NTM: variants seen among roughly 807,000 people sequenced by gnomAD.
The protein encoded by NTM is neurotrimin, also known as IgLON family member 2.
A neutral mutation model predicts 42.1 loss-of-function variants in NTM; 13 were observed. The ratio of observed to expected loss-of-function variants is 0.31; its 90% CI spans 0.20 to 0.49. The LOEUF is 0.49. Ranked by LOEUF, NTM falls within the 20% of genes least tolerant of loss-of-function variation. The pLI is 0.99. For missense variants in NTM, 373 were observed against 452.8 expected (o/e 0.82, Z 1.60); for synonymous variants, 187 against 179.2 (o/e 1.04, Z -0.35).
At chr11:131,769,661 C>T (rs941700472) in intron 1 of NTM, 6 of 767,702 alleles carry the variant, frequency 7.8e-6, no homozygotes, top group South Asian at 5.9e-5. Flanking sequence ...CTTTTACAGA[C>T]GAGGCAACCG....
chr11:132,237,802 C>T (rs1177612669), intron 4 of NTM, among the ~76,000 whole-genome samples: 2 of 152,204 alleles, frequency 1.3e-5, no homozygotes, highest in Non-Finnish European at 2.9e-5. Flanking sequence ...GTTTCATCCT[C>T]CCCGCTCAGC....
chr11:131,941,904 T>G (rs1000269524), intron 2 of NTM, among the ~76,000 whole-genome samples: 5 of 152,176 alleles, frequency 3.3e-5, no homozygotes, highest in African/African-American at 4.8e-5. Flanking sequence ...TGCATAATCA[T>G]CCATATTAAA....
chr11:131,442,994 C>T lies in NTM; in HGVS notation c.82+72106C>T, dbSNP rs1355644755. Reference sequence around the variant, plus strand: ...ATAATTTCTTTTCCTTTGGTAGATGCCCAGTAGTGGGAATGCTGGGTTGAA... The same window carrying T: ...ATAATTTCTTTTCCTTTGGTAGATGTCCAGTAGTGGGAATGCTGGGTTGAA... On this transcript the variant is annotated intron_variant, in intron 1 of 8. Coordinates refer to ENST00000683400, the MANE Select transcript of NTM (RefSeq NM_001352005.2). Among the ~76,000 whole-genome samples, 5 of 152,160 alleles carry T rather than the reference C, an allele frequency of 3.3e-5. No homozygotes were observed. The East Asian group carries it at 5.8e-4, about 18-fold the overall frequency.
chr11:132,228,613 G>A (rs899878807), intron 4 of NTM, among the ~76,000 whole-genome samples: 4 of 152,190 alleles, frequency 2.6e-5, no homozygotes, highest in African/African-American at 9.6e-5. Flanking sequence ...CTTCTCCCCA[G>A]AACTCATGGC....
At chr11:131,840,364 T>C (rs1334633014) in intron 1 of NTM, among the ~76,000 whole-genome samples, 2 of 152,120 alleles carry the variant, frequency 1.3e-5, no homozygotes, top group Non-Finnish European at 2.9e-5. Flanking sequence ...CATGTTCTCC[T>C]GGAAGCCATG....
rs371550860 is a variant in NTM at position 131,948,048 on chromosome 11, G to A, written c.167+36400G>A. Reference sequence around the variant, plus strand: ...ATAAGGCCATTGGTGCCCATGATGAGCAAGTTATTGTAATAGAAATTAAGC... The same window carrying A: ...ATAAGGCCATTGGTGCCCATGATGAACAAGTTATTGTAATAGAAATTAAGC... On this transcript the variant is annotated intron_variant, in intron 2 of 8. Coordinates refer to ENST00000683400, the MANE Select transcript of NTM (RefSeq NM_001352005.2). 1.1e-4 allele frequency among the ~76,000 whole-genome samples: 17 copies of A among 152,210 alleles called. No homozygotes were observed. In the East Asian group the frequency reaches 2.7e-3, roughly 24 times the overall value.
At chr11:131,371,215 G>T in intron 1 of NTM, 1 of 504,620 alleles carries the variant, frequency 2.0e-6, no homozygotes, top group Non-Finnish European at 2.6e-6. Context: ...GTAAGCAGGG[G>T]GAAATGACAG....
intron 1 of NTM, among the ~76,000 whole-genome samples, chr11:131,749,716 A>G (rs1273093104): frequency 6.6e-5 from 10 of 152,164 alleles, no homozygotes; most frequent in Admixed American, 6.5e-4. Context: ...CTCCTGCTTC[A>G]GCCTCCCAAG....
chr11:132,080,249 A>G (rs2058866687), intron 2 of NTM, among the ~76,000 whole-genome samples: 1 of 152,244 alleles, frequency 6.6e-6, no homozygotes, highest in Admixed American at 6.5e-5. Context: ...AAGTGAGCTT[A>G]CAGCCTGTGT....
intron 2 of NTM, among the ~76,000 whole-genome samples, chr11:131,963,045 A>G (rs996518413): frequency 6.6e-5 from 10 of 152,202 alleles, no homozygotes; most frequent in Non-Finnish European, 1.3e-4. Flanking sequence ...TTACTTTTCC[A>G]GAAAGCTACA....
chr11:132,309,887 C>T (rs1029661152), intron 5 of NTM, among the ~76,000 whole-genome samples: 9 of 152,044 alleles, frequency 5.9e-5, no homozygotes, highest in East Asian at 1.9e-4. Flanking sequence ...GAAACCCCGT[C>T]GCTGCTAAAA....
At chr11:132,269,102 G>C (rs1027352828) in intron 4 of NTM, among the ~76,000 whole-genome samples, 6 of 152,160 alleles carry the variant, frequency 3.9e-5, no homozygotes, top group African/African-American at 7.2e-5. Flanking sequence ...AGTGGCTGCT[G>C]TGTGAGGCAA....
chr11:131,811,643 G>A (rs577577369), intron 1 of NTM, among the ~76,000 whole-genome samples: 9 of 152,206 alleles, frequency 5.9e-5, no homozygotes, highest in Non-Finnish European at 1.2e-4. Context: ...ATATTGTAAA[G>A]CAGGGAGATT....
chr11:132,044,162 G>A (rs2077643467), intron 2 of NTM, among the ~76,000 whole-genome samples: 1 of 130,302 alleles, frequency 7.7e-6, no homozygotes, highest in African/African-American at 2.9e-5. Flanking sequence ...GTGTGTGTGT[G>A]TGCTTATGTG....
intron 4 of NTM, among the ~76,000 whole-genome samples, chr11:132,241,369 G>A (rs1173507127): frequency 1.3e-5 from 2 of 152,120 alleles, no homozygotes; most frequent in Admixed American, 1.3e-4. Flanking sequence ...GTGCTCTGAG[G>A]CCAATTTAAC....
At chr11:131,519,152 G>A (rs1391988592) in intron 1 of NTM, among the ~76,000 whole-genome samples, 1 of 152,186 alleles carries the variant, frequency 6.6e-6, no homozygotes, top group African/African-American at 2.4e-5. Context: ...TTCATGAGGA[G>A]AAGCCCTGAG....
intron 1 of NTM, among the ~76,000 whole-genome samples, chr11:131,445,791 T>C (rs1275908990): frequency 6.6e-6 from 1 of 152,186 alleles, no homozygotes; most frequent in Non-Finnish European, 1.5e-5. Flanking sequence ...ATTATTTTTT[T>C]CTTTGAGGTC....
chr11:131,544,812 T>A (rs1488676748), intron 1 of NTM, among the ~76,000 whole-genome samples: 1 of 152,182 alleles, frequency 6.6e-6, no homozygotes, highest in Non-Finnish European at 1.5e-5. Flanking sequence ...GCTTGCTCTA[T>A]GTTTTGAGCC....
At chr11:132,106,464 C>T (rs539244837) in intron 2 of NTM, among the ~76,000 whole-genome samples, 8 of 152,266 alleles carry the variant, frequency 5.3e-5, no homozygotes, top group South Asian at 2.1e-4. Context: ...TCAAACTCTC[C>T]GCAGGAAGCA....
Sources: allele counts gnomAD v4.1 joint callset (sites outside exome capture counted in the v4.1 genomes callset), GRCh38; gene constraint gnomAD v4.1.1; transcripts MANE v1.5; gene names NCBI Gene and HGNC (gene_info 2026-07-23, HGNC 2026-07-21).